STAG1: variants seen among roughly 807,000 people sequenced by gnomAD.
STAG1 encodes STAG1 cohesin complex component.
Under a neutral mutation model 170.9 loss-of-function variants are expected in STAG1, and 26 were observed. The observed-to-expected ratio is 0.15, with a 90% CI of 0.11 to 0.21. The LOEUF is 0.21. Ranked by LOEUF, STAG1 falls within the 10% of genes least tolerant of loss-of-function variation. STAG1 has a pLI of 1.00. For missense variants in STAG1, 964 were observed against 1,509.5 expected (o/e 0.64, Z 5.99); for synonymous variants, 514 against 497.7 (o/e 1.03, Z -0.44).
At chr3:136,622,177 G>A (rs1341986651) in intron 3 of STAG1, among the ~76,000 whole-genome samples, 2 of 150,672 alleles carry the variant, frequency 1.3e-5, no homozygotes, top group African/African-American at 4.9e-5. Flanking sequence ...AAAATTAGCT[G>A]GGCATGATGG....
At chr3:136,641,106 GCTGT>G (rs1050893061) in intron 1 of STAG1, among the ~76,000 whole-genome samples, 4 of 152,198 alleles carry the variant, frequency 2.6e-5, no homozygotes, top group Admixed American at 2.6e-4. Flanking sequence ...GAATAGAAGA[GCTGT>G]CTAAGAGTTT....
intron 4 of STAG1, among the ~76,000 whole-genome samples, chr3:136,588,930 C>G (rs1208677378): frequency 2.6e-5 from 4 of 151,520 alleles, no homozygotes; most frequent in Non-Finnish European, 5.9e-5. Context: ...AACCAAATAA[C>G]TTTTGTATTT....
At chr3:136,720,518 G>A (rs762691997) in intron 1 of STAG1, among the ~76,000 whole-genome samples, 2 of 152,260 alleles carry the variant, frequency 1.3e-5, no homozygotes, top group Admixed American at 6.5e-5. Flanking sequence ...GGCTGAGCAC[G>A]GTGGCTCACA....
chr3:136,432,116 T>C (rs561888984), intron 16 of STAG1, among the ~76,000 whole-genome samples: 13 of 152,324 alleles, frequency 8.5e-5, no homozygotes, highest in Admixed American at 3.3e-4. Context: ...TTTTTTCTTC[T>C]CTGTTCTTCA....
At chr3:136,619,073 T>C (rs981773319) in intron 3 of STAG1, among the ~76,000 whole-genome samples, 2 of 151,972 alleles carry the variant, frequency 1.3e-5, no homozygotes, top group African/African-American at 2.4e-5. Flanking sequence ...AGAGTGGGAA[T>C]ATGATAAAGC....
intron 1 of STAG1, among the ~76,000 whole-genome samples, chr3:136,744,694 G>A (rs561723408): frequency 1.2e-4 from 4 of 34,714 alleles, no homozygotes; most frequent in Non-Finnish European, 2.5e-4. Flanking sequence ...TTTTTTTTTT[G>A]AGACAGAGTC....
In STAG1 at chr3:136,336,375, T is replaced by A. The variant is rs1346598447; in HGVS notation, c.*1879A>T. ...CAAGGAGACACCGAAAATACAAAAA[T>A]TTGATTGACTTCAAACTGAACTGGA... On this transcript the variant is annotated 3_prime_UTR_variant, in exon 34 of 34. Transcript: ENST00000383202. 3 of 152,230 alleles carry A rather than the reference T, an allele frequency of 2.0e-5. No individual in the cohort carries two copies. The highest frequency in any genetic ancestry group is 2.9e-5 in the Non-Finnish European group (2 of 68,032). 9.4% of individuals were successfully genotyped at this position (152,230 alleles called of 1,614,324 possible). A position where few individuals can be genotyped will look rare whatever the true frequency, so the allele number is the denominator to read the frequency against.
chr3:136,552,681 G>T (rs1576599255), intron 5 of STAG1, among the ~76,000 whole-genome samples: 1 of 152,028 alleles, frequency 6.6e-6, no homozygotes, highest in African/African-American at 2.4e-5. Context: ...CTAAACCAGG[G>T]GTCAATTTAT....
intron 1 of STAG1, among the ~76,000 whole-genome samples, chr3:136,730,546 A>C (rs1933953997): frequency 6.6e-6 from 1 of 152,198 alleles, no homozygotes; most frequent in Admixed American, 6.5e-5. Context: ...AAGCTACTTG[A>C]CACCATGTTT....
At chr3:136,462,724 T>G (rs1163275412) in intron 13 of STAG1, among the ~76,000 whole-genome samples, 1 of 152,208 alleles carries the variant, frequency 6.6e-6, no homozygotes, top group Non-Finnish European at 1.5e-5. Flanking sequence ...GATATCCCAT[T>G]TACCTAATTT....
Position 136,617,694 on chromosome 3 carries a change from A to C in STAG1, c.132+5452T>G, listed in dbSNP as rs539661845. 2.4e-3 allele frequency among the ~76,000 whole-genome samples: 372 copies of C among 152,328 alleles called. 2 individuals are homozygous for C. Among genetic ancestry groups the C allele is most frequent in the African/African-American group, 8.5e-3 (352 of 41,582 alleles). ...CAAAAGAAGTGACAGTCAGAGGTTG[A>C]GAGGAGCCAGAAAAAATCTAGCAGA... On this transcript the variant is annotated intron_variant, in intron 3 of 33. Coordinates refer to ENST00000383202, the MANE Select transcript of STAG1 (RefSeq NM_005862.3).
chr3:136,705,781 C>T (rs149934497), intron 1 of STAG1, among the ~76,000 whole-genome samples: 2,457 of 152,240 alleles, frequency 0.016, 70 homozygotes, highest in African/African-American at 0.056. Context: ...TTATAAATTA[C>T]CCAGTCTCAG....
At chr3:136,631,651 G>C (rs1057502791) in intron 1 of STAG1, among the ~76,000 whole-genome samples, 1 of 152,166 alleles carries the variant, frequency 6.6e-6, no homozygotes, top group African/African-American at 2.4e-5. Flanking sequence ...TGCACGTGTA[G>C]GGACAGAGAA....
chr3:136,722,043 G>C (rs767572527), intron 1 of STAG1, among the ~76,000 whole-genome samples: 1 of 152,030 alleles, frequency 6.6e-6, no homozygotes, highest in Non-Finnish European at 1.5e-5. Flanking sequence ...GCAACATGGT[G>C]AGACCCCATC....
At chr3:136,463,513 A>G (rs1322375755) in intron 13 of STAG1, among the ~76,000 whole-genome samples, 2 of 152,070 alleles carry the variant, frequency 1.3e-5, no homozygotes, top group East Asian at 3.8e-4. Context: ...AAATCCATGA[A>G]CAAAAATCCA....
At chr3:136,706,842 T>G (rs1943241014) in intron 1 of STAG1, among the ~76,000 whole-genome samples, 1 of 152,128 alleles carries the variant, frequency 6.6e-6, no homozygotes, top group Admixed American at 6.5e-5. Context: ...CAAAACAGTG[T>G]GGTATTCGCA....
intron 1 of STAG1, among the ~76,000 whole-genome samples, chr3:136,745,576 C>CA (rs1934894553): frequency 6.6e-6 from 1 of 152,152 alleles, no homozygotes; most frequent in African/African-American, 2.4e-5. Flanking sequence ...ACTCATATGA[C>CA]AATCTAATGC....
In STAG1 at chr3:136,524,257, G is replaced by A. The variant is rs577138279; in HGVS notation, c.472-2840C>T. On this transcript the variant is annotated intron_variant, in intron 6 of 33. Coordinates refer to ENST00000383202, the MANE Select transcript of STAG1 (RefSeq NM_005862.3). ...GAATGTTCTTCCATTTGTTTGTGTC[G>A]TCTTTTATTTCATTGAGCAGTGGTT... Among the ~76,000 whole-genome samples the A allele has an allele frequency of 4.1e-3, 607 of 146,480 alleles. 2 individuals are homozygous for A. Among genetic ancestry groups the A allele is most frequent in the Middle Eastern group, 0.033 (9 of 276 alleles).
chr3:136,613,218 C>T (rs190951750), intron 3 of STAG1, among the ~76,000 whole-genome samples: 108 of 142,798 alleles, frequency 7.6e-4, no homozygotes, highest in African/African-American at 2.4e-3. Context: ...GGCAGGAGAA[C>T]GGTGTGAACC....
Sources: allele counts gnomAD v4.1 joint callset (sites outside exome capture counted in the v4.1 genomes callset), GRCh38; gene constraint gnomAD v4.1.1; transcripts MANE v1.5; gene names NCBI Gene and HGNC (gene_info 2026-07-23, HGNC 2026-07-21).